Variants in SFSWAP observed in about 807,000 individuals in gnomAD.
The protein encoded by SFSWAP is splicing factor, suppressor of white-apricot homolog.
A neutral mutation model predicts 100.7 loss-of-function variants in SFSWAP; 17 were observed. The ratio of observed to expected loss-of-function variants is 0.17; its 90% confidence interval spans 0.12 to 0.25. The LOEUF (loss-of-function observed/expected upper bound fraction) is 0.25, where lower values mean the gene tolerates loss of function less well. SFSWAP is among the 10% of genes least tolerant of loss of function. The probability of loss-of-function intolerance (pLI) is 1.00; values close to 1 mark genes in which losing one functional copy is unlikely to be tolerated. For missense variants in SFSWAP, 1,005 were observed against 1,262.6 expected, an observed-to-expected ratio of 0.80 and a Z score of 3.09; for synonymous variants, 504 against 510.1, an observed-to-expected ratio of 0.99 and a Z score of 0.16.
intron 7 of SFSWAP, among the ~76,000 whole-genome samples, chr12:131,752,335 G>A (rs377564281): frequency 1.7e-4 from 26 of 152,304 alleles, no homozygotes; most frequent in African/African-American, 5.5e-4. Flanking sequence ...ATTAAATTTC[G>A]TAATTAATCA....
chr12:131,785,919 G>C (rs1884856899), intron 14 of SFSWAP: 1 of 153,316 alleles, frequency 6.5e-6, no homozygotes, highest in Non-Finnish European at 1.5e-5. Context: ...GAAATTTCCA[G>C]GTAGGCCTCT....
chr12:131,757,736 A>C (rs1882307587), intron 11 of SFSWAP, among the ~76,000 whole-genome samples: 1 of 152,300 alleles, frequency 6.6e-6, no homozygotes, highest in South Asian at 2.1e-4. Flanking sequence ...ATGTGGATGA[A>C]CCGCTAACTA....
At chr12:131,793,953 T>C (rs1850474444) in intron 15 of SFSWAP, among the ~76,000 whole-genome samples, 1 of 152,030 alleles carries the variant, frequency 6.6e-6, no homozygotes, top group African/African-American at 2.4e-5. Context: ...TCTCAGACAC[T>C]GGATTGGGAA....
intron 4 of SFSWAP, among the ~76,000 whole-genome samples, chr12:131,724,373 G>A (rs1036162682): frequency 6.6e-6 from 1 of 152,202 alleles, no homozygotes; most frequent in Non-Finnish European, 1.5e-5. Flanking sequence ...TCGTGGACAT[G>A]CATACAGTGG....
rs370184877 is a variant in SFSWAP, at chr12:131,799,121, C to G, written c.2790+12C>G. 3 of 1,604,478 alleles carry G rather than the reference C, an allele frequency of 1.9e-6. No individual in the cohort carries two copies. In the African/African-American group the frequency reaches 4.0e-5, roughly 21 times the overall value. ...GCAAAATCACTCAGGTCAGTGGGCA[C>G]GCCCCCCTCCCGCTCCCAGCCTTTC... On this transcript the variant is annotated intron_variant, in intron 17 of 17. Transcript: ENST00000261674.
In SFSWAP at chr12:131,788,345, C is replaced by T. The variant is rs562238188; in HGVS notation, c.2534+1757C>T. Among the ~76,000 whole-genome samples the T allele has an allele frequency of 8.5e-5, 13 of 152,264 alleles. 1 individual carries two copies. In the South Asian group the frequency reaches 2.5e-3, roughly 29 times the overall value. On this transcript the variant is annotated intron_variant, in intron 15 of 17. Transcript: ENST00000261674. ...AGTGCAGTGCTGAGCCCTGAGCTGC[C>T]GTGCCCAGACAGACGGAATTAAACC...
intron 13 of SFSWAP, among the ~76,000 whole-genome samples, chr12:131,769,880 C>G (rs1364382130): frequency 6.6e-6 from 1 of 152,140 alleles, no homozygotes; most frequent in African/African-American, 2.4e-5. Flanking sequence ...CACGTACCCT[C>G]TCACCTCTCC....
At position 131,799,117 on chromosome 12, in the gene SFSWAP, G is replaced by C. The variant is rs1385701024; in HGVS notation, c.2790+8G>C. 2.5e-6 allele frequency: 4 copies of C among 1,610,006 alleles called. No homozygotes were observed. The Admixed American group carries it at 5.0e-5, about 20-fold the overall frequency. The stretch of plus-strand genomic sequence containing the variant: ...CAGAGCAAAATCACTCAGGTCAGTG[G>C]GCACGCCCCCCTCCCGCTCCCAGCC... On this transcript the variant is annotated splice_region_variant and intron_variant, in intron 17 of 17. Transcript: ENST00000261674.
intron 13 of SFSWAP, among the ~76,000 whole-genome samples, chr12:131,771,034 G>A (rs1883550252): frequency 6.6e-6 from 1 of 152,200 alleles, no homozygotes; most frequent in Non-Finnish European, 1.5e-5. Flanking sequence ...TTTTACAGTT[G>A]AATGGTGCTC....
intron 13 of SFSWAP, among the ~76,000 whole-genome samples, chr12:131,775,699 C>T (rs981318794): frequency 1.3e-5 from 2 of 152,122 alleles, no homozygotes; most frequent in African/African-American, 4.8e-5. Context: ...TTTAGCATTG[C>T]TTGTGGGCAA....
At position 131,711,439 on chromosome 12, in the gene SFSWAP, C is replaced by A; in HGVS notation, c.210C>A (p.Leu70=). The A allele has an allele frequency of 6.2e-7, 1 of 1,612,806 alleles. No individual in the cohort carries two copies. Among genetic ancestry groups the A allele is most frequent in the Non-Finnish European group, 8.5e-7 (1 of 1,179,528 alleles). Residue 70 remains leucine, a synonymous_variant, in exon 1 of 18, where the codon CTC becomes CTA. Coordinates refer to ENST00000261674, the MANE Select transcript of SFSWAP (RefSeq NM_004592.4). This position sits in a 1 kb window ranked among gnomAD's most constrained non-coding sequence, Gnocchi z 4.9. ...LIPWMGDHKI[L]IDRYDGRGHL... Reference sequence around the variant, plus strand: ...CCTGGATGGGGGACCACAAGATCCTCATCGACAGGTCGGTTCCTCTCCCCA... The same window carrying A: ...CCTGGATGGGGGACCACAAGATCCTAATCGACAGGTCGGTTCCTCTCCCCA...
chr12:131,711,944 C>T lies in SFSWAP; in HGVS notation c.218+497C>T, dbSNP rs1413381433. The T allele has an allele frequency of 1.2e-5, 2 of 161,064 alleles. No individual in the cohort carries two copies. Among genetic ancestry groups the T allele is most frequent in the East Asian group, 1.9e-4 (1 of 5,374 alleles). 10.0% of individuals were successfully genotyped at this position (161,064 alleles called of 1,614,324 possible). ...ACAGTGGCTAGAAGTGTCTCTTGGA[C>T]CTGTGAGTTAGCCTTAACCTGTTAT... On this transcript the variant is annotated intron_variant, in intron 1 of 17. Coordinates refer to ENST00000261674, the MANE Select transcript of SFSWAP (RefSeq NM_004592.4). This position sits in a 1 kb window ranked among gnomAD's most constrained non-coding sequence, Gnocchi z 4.9.
At chr12:131,773,941 C>A (rs1244856040) in intron 13 of SFSWAP, among the ~76,000 whole-genome samples, 1 of 152,160 alleles carries the variant, frequency 6.6e-6, no homozygotes, top group Non-Finnish European at 1.5e-5. Context: ...TAGTGAGGGC[C>A]CACGAGGGCC....
At position 131,753,124 on chromosome 12, in the gene SFSWAP, G is replaced by T. The variant is rs546424351; in HGVS notation, c.1083G>T (p.Ser361=). 6.2e-7 allele frequency: 1 copy of T among 1,614,074 alleles called. No homozygotes were observed. The highest frequency in any genetic ancestry group is 1.1e-5 in the South Asian group (1 of 91,034). ...QPSQVEYTAD[S]TVAAMYYSYY... ...CTCCGGGGCAATGTGTCTCCACAGC[G>T]ACCGTGGCAGCCATGTATTACAGCT... The change falls in exon 8 of 18, where the codon TCG becomes TCT. Residue 361 remains serine, a splice_region_variant and synonymous_variant. Coordinates refer to ENST00000261674, the MANE Select transcript of SFSWAP (RefSeq NM_004592.4).
At chr12:131,791,147 C>G (rs774090411) in intron 15 of SFSWAP, among the ~76,000 whole-genome samples, 3 of 152,220 alleles carry the variant, frequency 2.0e-5, no homozygotes, top group Non-Finnish European at 4.4e-5. Context: ...AATCTCAGCA[C>G]TTCAGGAGGC....
At chr12:131,792,128 T>C (rs867297187) in intron 15 of SFSWAP, among the ~76,000 whole-genome samples, 29 of 137,794 alleles carry the variant, frequency 2.1e-4, no homozygotes, top group African/African-American at 6.8e-4. Context: ...ACTGTGTGTG[T>C]GCACGTGTGT....
At position 131,754,417 on chromosome 12, in the gene SFSWAP, C is replaced by A; in HGVS notation, c.1372C>A (p.Pro458Thr). ...AIIPPPPDVQ[P>T]VIDKLAEYVA... Reference sequence around the variant, plus strand: ...CATCCCCCCGCCCCCCGACGTCCAGCCCGTGATTGACAAGCTGGCCGAGTA... The same window carrying A: ...CATCCCCCCGCCCCCCGACGTCCAGACCGTGATTGACAAGCTGGCCGAGTA... The change falls in exon 9 of 18, where the codon CCC becomes ACC. Residue 458 changes from proline to threonine, a missense_variant. Transcript: ENST00000261674. The A allele has an allele frequency of 6.2e-7, 1 of 1,601,862 alleles. No individual in the cohort carries two copies. Among genetic ancestry groups the A allele is most frequent in the Non-Finnish European group, 8.5e-7 (1 of 1,175,752 alleles).
intron 13 of SFSWAP, among the ~76,000 whole-genome samples, chr12:131,771,179 T>C (rs929922725): frequency 1.3e-5 from 2 of 152,254 alleles, no homozygotes; most frequent in Non-Finnish European, 2.9e-5. Flanking sequence ...CATATTTTTC[T>C]GACAACTTTT....
chr12:131,717,691 C>A (rs991654759), intron 3 of SFSWAP, among the ~76,000 whole-genome samples: 1 of 152,066 alleles, frequency 6.6e-6, no homozygotes, highest in African/African-American at 2.4e-5. Flanking sequence ...TCATTTTTTT[C>A]ATTTTAGGAA....
Sources: gnomAD v4.1 joint callset for allele counts (sites outside exome capture counted in the v4.1 genomes callset) on GRCh38, gnomAD v4.1.1 for gene constraint, Gnocchi (gnomAD v3.1) non-coding constraint, MANE v1.5 for transcripts, NCBI Gene and HGNC (gene_info 2026-07-23, HGNC 2026-07-21) for gene names.